SH3RF2: variants seen among roughly 807,000 people sequenced by gnomAD.
SH3RF2 encodes SH3 domain containing ring finger 2.
A neutral mutation model predicts 59.0 loss-of-function variants in SH3RF2; 43 were observed. That is an observed-to-expected ratio of 0.73 (90% CI 0.57 to 0.94). The LOEUF is 0.94. Among genes scored for constraint, SH3RF2 ranks in the 40% least tolerant of loss-of-function variants. The pLI, the probability that SH3RF2 is intolerant of heterozygous loss-of-function variation, is 0.00. For synonymous variants in SH3RF2, 391 were observed against 391.5 expected (o/e 1.00, Z 0.01); for missense variants, 930 against 940.1 (o/e 0.99, Z 0.14).
intron 1 of SH3RF2, among the ~76,000 whole-genome samples, 183 bp from the exon 2 acceptor site, chr5:145,937,640 C>A (rs2149935080): frequency 6.6e-6 from 1 of 152,258 alleles, no homozygotes; most frequent in South Asian, 2.1e-4. Flanking sequence ...CCCTCTGATC[C>A]TCACAGCAAG....
Position 145,938,211 on chromosome 5 carries a change from A to C in SH3RF2, c.283A>C (p.Thr95Pro). ...CTCCTTCCGCAGGCCTGGCACGATG[A>C]CCTTGCAGGATGGCAGGAAAAGCAG... Reference protein sequence around the residue: ...GGSFRRPGTMTLQDGRKSRTN... With the variant: ...GGSFRRPGTMPLQDGRKSRTN... The change falls in exon 2 of 10, where the codon ACC becomes CCC. Residue 95 changes from threonine to proline, a missense_variant. Thr to Pro is a conservative substitution (Grantham distance 38). Coordinates refer to ENST00000359120, the MANE Select transcript of SH3RF2 (RefSeq NM_152550.4). 6.2e-7 allele frequency: 1 copy of C among 1,613,224 alleles called. No homozygotes were observed. The highest frequency in any genetic ancestry group is 1.7e-4 in the Middle Eastern group (1 of 6,060).
intron 2 of SH3RF2, among the ~76,000 whole-genome samples, chr5:145,955,331 C>T (rs994204201): frequency 6.6e-6 from 1 of 152,100 alleles, no homozygotes; most frequent in African/African-American, 2.4e-5. Flanking sequence ...CACGTTCTCA[C>T]CTGTAAGTGG....
At chr5:146,055,717 C>A in intron 7 of SH3RF2, 1 of 505,942 alleles carries the variant, frequency 2.0e-6, no homozygotes, top group East Asian at 3.4e-5. Flanking sequence ...GGATGAAATT[C>A]AAGTCTTCTA....
chr5:145,946,227 T>C (rs952401091), intron 2 of SH3RF2, among the ~76,000 whole-genome samples: 1 of 152,168 alleles, frequency 6.6e-6, no homozygotes, highest in Non-Finnish European at 1.5e-5. Context: ...GGGACACTCA[T>C]GAGCTCAGAC....
intron 8 of SH3RF2, among the ~76,000 whole-genome samples, chr5:146,058,179 A>G (rs968640117): frequency 6.6e-6 from 1 of 152,066 alleles, no homozygotes; most frequent in Non-Finnish European, 1.5e-5. Flanking sequence ...AAAGCATTAA[A>G]TCTCTTGGAA....
At chr5:145,970,760 A>G (rs755418553) in intron 2 of SH3RF2, among the ~76,000 whole-genome samples, 1 of 152,172 alleles carries the variant, frequency 6.6e-6, no homozygotes, top group African/African-American at 2.4e-5. Flanking sequence ...AAGACAGTTT[A>G]AAAGACACTG....
chr5:146,066,852 A>T (rs1763118858), downstream of SH3RF2, among the ~76,000 whole-genome samples: 1 of 152,126 alleles, frequency 6.6e-6, no homozygotes, highest in Non-Finnish European at 1.5e-5. Context: ...CCCCTCAACT[A>T]AGGTTCAGAC....
intron 5 of SH3RF2, among the ~76,000 whole-genome samples, chr5:146,046,609 G>A (rs1762312921): frequency 6.6e-6 from 1 of 152,258 alleles, no homozygotes; most frequent in East Asian, 1.9e-4. Context: ...TATTGAGCAT[G>A]CAGAAATACA....
intron 2 of SH3RF2, among the ~76,000 whole-genome samples, chr5:145,984,237 T>C (rs1382120434): frequency 6.6e-6 from 1 of 152,202 alleles, no homozygotes; most frequent in Non-Finnish European, 1.5e-5. Context: ...TCATACAGCC[T>C]GCTGCTACAG....
At chr5:145,943,937 T>C (rs1432697379) in intron 2 of SH3RF2, among the ~76,000 whole-genome samples, 1 of 152,218 alleles carries the variant, frequency 6.6e-6, no homozygotes, top group Non-Finnish European at 1.5e-5. Flanking sequence ...AAAAGTTGCC[T>C]GCCCACCTGT....
chr5:145,944,732 A>G (rs1757946993), intron 2 of SH3RF2, among the ~76,000 whole-genome samples: 1 of 152,090 alleles, frequency 6.6e-6, no homozygotes, highest in Non-Finnish European at 1.5e-5. Context: ...CATTTCCCAC[A>G]TTTCTATGGC....
chr5:145,959,798 C>A (rs1758561663), intron 2 of SH3RF2, among the ~76,000 whole-genome samples: 2 of 152,050 alleles, frequency 1.3e-5, no homozygotes, highest in South Asian at 4.1e-4. Context: ...CTAAGTGTGA[C>A]TTCCAGGTCT....
intron 5 of SH3RF2, among the ~76,000 whole-genome samples, chr5:146,017,069 AT>A (rs1761131722): frequency 6.6e-6 from 1 of 151,942 alleles, no homozygotes; most frequent in African/African-American, 2.4e-5. Context: ...AGCCAGGAAT[AT>A]TTTTTCCCCT....
At position 145,937,969 on chromosome 5, in the gene SH3RF2, T is replaced by A; in HGVS notation, c.41T>A (p.Val14Glu). The change falls in exon 2 of 10, where the codon GTG becomes GAG. Residue 14 changes from valine to glutamate, a missense_variant. By Grantham distance (121) the Val-to-Glu change is moderately radical (BLOSUM62 -2). Coordinates refer to ENST00000359120, the MANE Select transcript of SH3RF2 (RefSeq NM_152550.4). The stretch of plus-strand genomic sequence containing the variant: ...TTACTTGATCTTCTGGAGTGCCCTG[T>A]GTGCTTTGAGAAGCTCGATGTCACA... ...LTLLDLLECP[V>E]CFEKLDVTAK... is the part of the protein sequence containing the mutation. 1 of 1,614,198 alleles carries A rather than the reference T, an allele frequency of 6.2e-7. No homozygotes were observed.
intron 5 of SH3RF2, among the ~76,000 whole-genome samples, chr5:146,044,767 T>C (rs1762248553): frequency 6.6e-6 from 1 of 152,158 alleles, no homozygotes; most frequent in African/African-American, 2.4e-5. Flanking sequence ...CTCTTCTTCA[T>C]TGTCTCCTTC....
At chr5:146,010,224 C>T (rs923007160) in intron 4 of SH3RF2, among the ~76,000 whole-genome samples, 10 of 152,168 alleles carry the variant, frequency 6.6e-5, no homozygotes, top group Admixed American at 4.6e-4. Context: ...TTTTTTATGG[C>T]TGCGTAGTAT....
intron 5 of SH3RF2, among the ~76,000 whole-genome samples, chr5:146,034,547 G>A (rs1761859750): frequency 6.6e-6 from 1 of 152,196 alleles, no homozygotes; most frequent in Admixed American, 6.5e-5. Flanking sequence ...TGAGATCACT[G>A]AGCCTGTCTC....
At chr5:145,968,675 A>T (rs923750838) in intron 2 of SH3RF2, among the ~76,000 whole-genome samples, 6 of 152,262 alleles carry the variant, frequency 3.9e-5, no homozygotes, top group African/African-American at 1.4e-4. Flanking sequence ...ACATGTAATC[A>T]ATACAAAAAC....
At chr5:145,944,750 C>A (rs1757947599) in intron 2 of SH3RF2, among the ~76,000 whole-genome samples, 1 of 152,152 alleles carries the variant, frequency 6.6e-6, no homozygotes, top group African/African-American at 2.4e-5. Flanking sequence ...GGCACTGACA[C>A]CCCTTTCTTC....
Sources: allele counts gnomAD v4.1 joint callset (sites outside exome capture counted in the v4.1 genomes callset), GRCh38; gene constraint gnomAD v4.1.1; transcripts MANE v1.5; gene names NCBI Gene and HGNC (gene_info 2026-07-23, HGNC 2026-07-21).